The following COMMD1 variants were observed in gnomAD, a reference collection of about 807,000 sequenced individuals.
The protein encoded by COMMD1 is COMM domain-containing protein 1.
COMMD1 carries 10 observed loss-of-function variants against 17.2 expected under a neutral mutation model. The observed-to-expected ratio is 0.58, with a 90% CI of 0.36 to 0.99. The LOEUF (loss-of-function observed/expected upper bound fraction) is 0.99, where lower values mean the gene tolerates loss of function less well. COMMD1 is among the 50% of genes least tolerant of loss of function. COMMD1 has a pLI of 0.01. For missense variants in COMMD1, 270 were observed against 231.8 expected, an observed-to-expected ratio of 1.17 and a Z score of -1.07; for synonymous variants, 97 against 91.6, an observed-to-expected ratio of 1.06 and a Z score of -0.34.
At chr2:61,952,118 C>G (rs1014614794) in intron 1 of COMMD1, among the ~76,000 whole-genome samples, 1 of 152,204 alleles carries the variant, frequency 6.6e-6, no homozygotes, top group African/African-American at 2.4e-5. Flanking sequence ...AACCTCAAAG[C>G]TATCTTTGCT....
At chr2:61,983,216 G>A (rs1672003907) in intron 1 of COMMD1, among the ~76,000 whole-genome samples, 1 of 145,596 alleles carries the variant, frequency 6.9e-6, no homozygotes, top group African/African-American at 2.6e-5. Flanking sequence ...TTGAGATGGA[G>A]TCTCCCTCTG....
chr2:61,903,926 G>A (rs771972094), upstream of COMMD1, among the ~76,000 whole-genome samples: 12 of 152,132 alleles, frequency 7.9e-5, no homozygotes, highest in African/African-American at 2.9e-4. Flanking sequence ...TGCAGGGTAC[G>A]TTCATAAAGG....
At chr2:61,963,778 G>C (rs894165016) in intron 1 of COMMD1, among the ~76,000 whole-genome samples, 22 of 152,214 alleles carry the variant, frequency 1.4e-4, no homozygotes, top group African/African-American at 5.3e-4. Context: ...GTTTGTATCA[G>C]AATTGCCTTG....
At chr2:62,027,638 TA>T (rs1669794773) in intron 2 of COMMD1, among the ~76,000 whole-genome samples, 1 of 147,936 alleles carries the variant, frequency 6.8e-6, no homozygotes, top group Non-Finnish European at 1.5e-5. Context: ...TATGTTATGT[TA>T]TGTTATGTTA....
intron 2 of COMMD1, among the ~76,000 whole-genome samples, chr2:62,078,634 C>T (rs962862013): frequency 6.6e-6 from 1 of 150,702 alleles, no homozygotes; most frequent in Admixed American, 6.6e-5. Flanking sequence ...TTTGGGAGGC[C>T]GAGGTGGGTG....
intron 2 of COMMD1, among the ~76,000 whole-genome samples, chr2:62,053,177 A>C (rs1670587813): frequency 6.6e-6 from 1 of 152,192 alleles, no homozygotes; most frequent in Non-Finnish European, 1.5e-5. Flanking sequence ...GAGTCACAAA[A>C]TAATGAGAGG....
rs185392184 is a variant in COMMD1, at chr2:62,042,978, T to C, written c.462+41996T>C. ...CTTCAAACCTATTTTTTCTGTGACG[T>C]TTTAAACAGTTGAGAAGATTGTCTA... is the stretch of plus-strand genomic sequence containing the variant. On this transcript the variant is annotated intron_variant, in intron 2 of 2. Transcript: ENST00000311832. Among the ~76,000 whole-genome samples, 8 of 152,366 alleles carry C rather than the reference T, an allele frequency of 5.3e-5. No individual in the cohort carries two copies. The East Asian group carries it at 1.5e-3, about 29-fold the overall frequency.
intron 2 of COMMD1, among the ~76,000 whole-genome samples, chr2:62,041,000 G>A (rs1670177393): frequency 6.6e-6 from 1 of 152,182 alleles, no homozygotes; most frequent in South Asian, 2.1e-4. Context: ...ATGAGCCACT[G>A]TGCCTGGCCT....
rs143532642 is a variant in COMMD1 at position 61,985,796 on chromosome 2, T to G, written c.181-14905T>G. Among the ~76,000 whole-genome samples, 35 of 152,236 alleles carry G rather than the reference T, an allele frequency of 2.3e-4. No homozygotes were observed. In the East Asian group the frequency reaches 6.4e-3, roughly 28 times the overall value. The stretch of plus-strand genomic sequence containing the variant: ...CTTTGTCTCCCTGCTTTTTAACTGT[T>G]TTTTGTTTCTATTTTATATTTTATT... On this transcript the variant is annotated intron_variant, in intron 1 of 2. Coordinates refer to ENST00000311832, the MANE Select transcript of COMMD1 (RefSeq NM_152516.4).
intron 1 of COMMD1, among the ~76,000 whole-genome samples, chr2:61,977,102 A>G (rs987704886): frequency 1.3e-5 from 2 of 151,812 alleles, no homozygotes; most frequent in Admixed American, 1.3e-4. Context: ...GATTACAGGC[A>G]TGAGCCACCA....
chr2:62,060,865 C>T (rs1347663923), intron 2 of COMMD1, among the ~76,000 whole-genome samples: 1 of 152,100 alleles, frequency 6.6e-6, no homozygotes, highest in Non-Finnish European at 1.5e-5. Context: ...TTTAATACTG[C>T]ATCCCATATG....
chr2:62,038,398 A>G (rs1356110544), intron 2 of COMMD1, among the ~76,000 whole-genome samples: 2 of 152,246 alleles, frequency 1.3e-5, no homozygotes, highest in African/African-American at 2.4e-5. Flanking sequence ...TACTCCAATA[A>G]CTGAGAAATT....
chr2:62,072,364 C>G (rs1450292216), intron 2 of COMMD1, among the ~76,000 whole-genome samples: 1 of 152,098 alleles, frequency 6.6e-6, no homozygotes, highest in Non-Finnish European at 1.5e-5. Flanking sequence ...AATCAGCACT[C>G]ACTCCCCCAT....
chr2:62,041,723 G>A (rs1224116450), intron 2 of COMMD1, among the ~76,000 whole-genome samples: 3 of 152,110 alleles, frequency 2.0e-5, no homozygotes, highest in African/African-American at 4.8e-5. Context: ...GGACCCTCAC[G>A]GGTGAGTGTT....
Position 61,976,645 on chromosome 2 carries a change from G to A in COMMD1, c.181-24056G>A, listed in dbSNP as rs574480547. 3.3e-5 allele frequency among the ~76,000 whole-genome samples: 5 copies of A among 152,212 alleles called. No homozygotes were observed. The South Asian group carries it at 1.0e-3, about 32-fold the overall frequency. On this transcript the variant is annotated intron_variant, in intron 1 of 2. Transcript: ENST00000311832. ...ACCAAGGATATAGCTGAAGTGAACA[G>A]GATCATTAATCAACTAAATCTAAGT...
chr2:62,030,098 T>G (rs529395432), intron 2 of COMMD1, among the ~76,000 whole-genome samples: 8 of 152,370 alleles, frequency 5.3e-5, no homozygotes, highest in Admixed American at 5.2e-4. Context: ...AAAGCCTGTC[T>G]GTTGAGATTC....
At chr2:62,099,835 G>A (rs935850896) in intron 2 of COMMD1, among the ~76,000 whole-genome samples, 2 of 151,982 alleles carry the variant, frequency 1.3e-5, no homozygotes, top group African/African-American at 2.4e-5. Flanking sequence ...TGCATGTTGC[G>A]GAGAGTCAAC....
chr2:61,907,384 C>T (rs879719748), intron 1 of COMMD1, among the ~76,000 whole-genome samples: 3 of 152,156 alleles, frequency 2.0e-5, no homozygotes, highest in East Asian at 1.9e-4. Context: ...GGATTACAGG[C>T]GTGAGCCACC....
chr2:61,998,418 C>T (rs1025040529), intron 1 of COMMD1, among the ~76,000 whole-genome samples: 1 of 152,074 alleles, frequency 6.6e-6, no homozygotes, highest in Non-Finnish European at 1.5e-5. Flanking sequence ...CGCCACTACG[C>T]CCAGCTAATT....
Sources: allele counts gnomAD v4.1 joint callset (sites outside exome capture counted in the v4.1 genomes callset), GRCh38; gene constraint gnomAD v4.1.1; transcripts MANE v1.5; gene names NCBI Gene and HGNC (gene_info 2026-07-23, HGNC 2026-07-21).